Variants in TSPAN18 observed in about 807,000 individuals in gnomAD.
TSPAN18 encodes the protein tetraspanin 18.
Under a neutral mutation model 27.3 loss-of-function variants are expected in TSPAN18, and 14 were observed. That is an observed-to-expected ratio of 0.51 (90% CI 0.34 to 0.80). The LOEUF is 0.80. TSPAN18 is among the 30% of genes least tolerant of loss of function. The probability of loss-of-function intolerance (pLI) is 0.01; values close to 1 mark genes in which losing one functional copy is unlikely to be tolerated. For synonymous variants in TSPAN18, 143 were observed against 136.5 expected (o/e 1.05, Z -0.33); for missense variants, 268 against 323.9 (o/e 0.83, Z 1.32).
At chr11:44,812,515 C>T (rs1367116352) in intron 2 of TSPAN18, among the ~76,000 whole-genome samples, 1 of 152,168 alleles carries the variant, frequency 6.6e-6, no homozygotes, top group African/African-American at 2.4e-5. Context: ...TAAACAGACT[C>T]ACAGAGGGGG....
chr11:44,791,651 G>A (rs1856225498), intron 2 of TSPAN18, among the ~76,000 whole-genome samples: 3 of 152,234 alleles, frequency 2.0e-5, no homozygotes, highest in Admixed American at 2.0e-4. Context: ...CCAGGCTCCA[G>A]GGAACCAGTC....
chr11:44,794,719 A>G (rs1856308061), intron 2 of TSPAN18, among the ~76,000 whole-genome samples: 1 of 152,136 alleles, frequency 6.6e-6, no homozygotes, highest in South Asian at 2.1e-4. Context: ...CGTAAGTTCA[A>G]ATTCTGGTCC....
At chr11:44,758,890 C>G (rs2134877726) in intron 1 of TSPAN18, among the ~76,000 whole-genome samples, 1 of 152,306 alleles carries the variant, frequency 6.6e-6, no homozygotes, top group African/African-American at 2.4e-5. Context: ...CTGGGGGCTC[C>G]TCATCTCCTA....
intron 2 of TSPAN18, among the ~76,000 whole-genome samples, chr11:44,792,264 G>A (rs1369726246): frequency 6.6e-6 from 1 of 152,214 alleles, no homozygotes. Flanking sequence ...TGTGAGGGGT[G>A]ACATTTAAAC....
At chr11:44,899,424 G>C (rs1457323837) in intron 3 of TSPAN18, among the ~76,000 whole-genome samples, 1 of 152,200 alleles carries the variant, frequency 6.6e-6, no homozygotes, top group East Asian at 1.9e-4. Flanking sequence ...ATAACTTTAG[G>C]ATGTTGCTAG....
intron 1 of TSPAN18, among the ~76,000 whole-genome samples, chr11:44,750,036 G>T (rs1404895642): frequency 2.6e-5 from 4 of 152,142 alleles, no homozygotes; most frequent in Non-Finnish European, 5.9e-5. Context: ...TCCTCACTTT[G>T]ATATCTCCTA....
chr11:44,794,158 T>C (rs1856293663), intron 2 of TSPAN18, among the ~76,000 whole-genome samples: 1 of 152,192 alleles, frequency 6.6e-6, no homozygotes, highest in Non-Finnish European at 1.5e-5. Flanking sequence ...CTCTGGACGC[T>C]TGGCAAGAGG....
chr11:44,791,612 G>C (rs560131965), intron 2 of TSPAN18, among the ~76,000 whole-genome samples: 14 of 152,296 alleles, frequency 9.2e-5, no homozygotes, highest in East Asian at 1.9e-4. Context: ...TCTGTGGACT[G>C]TCTCCTCCTC....
chr11:44,783,429 C>T (rs374813615), intron 2 of TSPAN18, among the ~76,000 whole-genome samples: 8 of 150,018 alleles, frequency 5.3e-5, no homozygotes, highest in African/African-American at 1.2e-4. Flanking sequence ...GACGGAGTCT[C>T]GCTCTGTCGC....
At chr11:44,785,438 C>T (rs1856032191) in intron 2 of TSPAN18, among the ~76,000 whole-genome samples, 1 of 152,152 alleles carries the variant, frequency 6.6e-6, no homozygotes, top group South Asian at 2.1e-4. Context: ...ACCCCTGTAG[C>T]TGTGCAGTTG....
At chr11:44,787,964 C>T (rs1261679737) in intron 2 of TSPAN18, among the ~76,000 whole-genome samples, 1 of 152,200 alleles carries the variant, frequency 6.6e-6, no homozygotes, top group Non-Finnish European at 1.5e-5. Flanking sequence ...TACTAGGAGC[C>T]TGGTCCAGGC....
chr11:44,869,561 T>G (rs1297272449), intron 3 of TSPAN18, among the ~76,000 whole-genome samples: 1 of 152,172 alleles, frequency 6.6e-6, no homozygotes, highest in Admixed American at 6.5e-5. Context: ...ATCAGCAGGA[T>G]AAATGTCAGC....
chr11:44,851,623 C>CG (rs550526063), intron 2 of TSPAN18, among the ~76,000 whole-genome samples: 1 of 148,486 alleles, frequency 6.7e-6, no homozygotes. Context: ...CCTCCCCCCC[C>CG]CAACGGCTGG....
At chr11:44,895,577 A>G (rs1289260363) in intron 3 of TSPAN18, among the ~76,000 whole-genome samples, 1 of 152,226 alleles carries the variant, frequency 6.6e-6, no homozygotes, top group Non-Finnish European at 1.5e-5. Flanking sequence ...CAAAGAAAAA[A>G]AGGGAAATGA....
chr11:44,760,060 C>CT (rs1565136839), intron 1 of TSPAN18, among the ~76,000 whole-genome samples: 1 of 152,160 alleles, frequency 6.6e-6, no homozygotes, highest in Non-Finnish European at 1.5e-5. Flanking sequence ...GCTGAGCACA[C>CT]TTTGAGTCCA....
intron 2 of TSPAN18, among the ~76,000 whole-genome samples, chr11:44,816,772 A>C (rs1331507879): frequency 6.6e-6 from 1 of 152,194 alleles, no homozygotes; most frequent in Non-Finnish European, 1.5e-5. Context: ...GTCTGCTCCC[A>C]AGCTGCTGCT....
intron 3 of TSPAN18, among the ~76,000 whole-genome samples, chr11:44,890,057 C>G (rs1858792567): frequency 6.6e-6 from 1 of 152,228 alleles, no homozygotes; most frequent in African/African-American, 2.4e-5. Context: ...CAGCCTCTTT[C>G]CTGTGCACAT....
intron 1 of TSPAN18, among the ~76,000 whole-genome samples, chr11:44,730,813 G>C (rs955452057): frequency 7.7e-6 from 1 of 130,416 alleles, no homozygotes; most frequent in Non-Finnish European, 1.8e-5. Context: ...TTTTAGTAGA[G>C]ACGGGTTTCA....
chr11:44,785,439 T>C (rs1236312725), intron 2 of TSPAN18, among the ~76,000 whole-genome samples: 1 of 152,156 alleles, frequency 6.6e-6, no homozygotes, highest in Non-Finnish European at 1.5e-5. Context: ...CCCCTGTAGC[T>C]GTGCAGTTGT....
Sources: allele counts gnomAD v4.1 joint callset (sites outside exome capture counted in the v4.1 genomes callset), GRCh38; gene constraint gnomAD v4.1.1; transcripts MANE v1.5; gene names NCBI Gene and HGNC (gene_info 2026-07-23, HGNC 2026-07-21).